The following TTC16 variants were observed in gnomAD, a reference collection of about 807,000 sequenced individuals.
TTC16 encodes tetratricopeptide repeat domain 16, also known as tetratricopeptide repeat protein 16.
A neutral mutation model predicts 80.4 loss-of-function variants in TTC16; 66 were observed. That is an observed-to-expected ratio of 0.82 (90% confidence interval 0.67 to 1.01). The LOEUF is 1.01. TTC16 is among the 50% of genes least tolerant of loss of function. The pLI, the probability that TTC16 is intolerant of heterozygous loss-of-function variation, is 0.00. For synonymous variants in TTC16, 438 were observed against 451.3 expected, an observed-to-expected ratio of 0.97 and a Z score of 0.37; for missense variants, 1,070 against 1,103.2, an observed-to-expected ratio of 0.97 and a Z score of 0.43.
intron 4 of TTC16, among the ~76,000 whole-genome samples, chr9:127,719,479 C>G (rs1823233932): frequency 6.6e-6 from 1 of 152,194 alleles, no homozygotes; most frequent in Non-Finnish European, 1.5e-5. Flanking sequence ...CTGCTGATCT[C>G]TTCTGCCATC....
chr9:127,730,760 G>A lies in TTC16; in HGVS notation c.1977G>A (p.Gly659=). The part of the protein sequence containing the change: ...SLLKTQSSDS[G]NNREALSHGP... ...TGAAGACGCAATCCTCGGACTCTGGGAACAACAGGGAGGCACTAAGCCATG... is the reference window on the plus strand; with the variant it reads ...TGAAGACGCAATCCTCGGACTCTGGAAACAACAGGGAGGCACTAAGCCATG... Residue 659 remains glycine, a synonymous_variant, in exon 14 of 14, where the codon GGG becomes GGA. Coordinates refer to ENST00000373289, the MANE Select transcript of TTC16 (RefSeq NM_144965.3). 6.2e-7 allele frequency: 1 copy of A among 1,613,716 alleles called. No homozygotes were observed. Among genetic ancestry groups the A allele is most frequent in the Non-Finnish European group, 8.5e-7 (1 of 1,180,036 alleles).
At chr9:127,716,484 G>A in intron 1 of TTC16, 2 of 544,042 alleles carry the variant, frequency 3.7e-6, no homozygotes, top group Non-Finnish European at 3.3e-6. Flanking sequence ...GGGACTGTAG[G>A]ACCCCCAAGG....
intron 13 of TTC16, chr9:127,730,277 G>A (rs938174663): frequency 1.5e-5 from 5 of 328,224 alleles, no homozygotes; most frequent in Non-Finnish European, 1.7e-5. Flanking sequence ...GGGTGTGGGT[G>A]CATTTAGCGC....
intron 10 of TTC16, 98 bp downstream of exon 10, chr9:127,726,502 A>G (rs1331283178): frequency 7.4e-7 from 1 of 1,347,820 alleles, no homozygotes; most frequent in African/African-American, 1.5e-5. Context: ...GATAACAATC[A>G]TAAGGCCAGG....
In TTC16 at chr9:127,716,875, G is replaced by C. The variant is rs761369792; in HGVS notation, c.50G>C (p.Arg17Pro). Residue 17 changes from arginine to proline, a missense_variant, in exon 2 of 14, where the codon CGG (arginine) becomes CCG (proline). Coordinates refer to ENST00000373289, the MANE Select transcript of TTC16 (RefSeq NM_144965.3). ...CTGAAGGTTGACCAGGGCCCCTCAC[G>C]GGACATCCCAAAGCCATGGGTGATT... is the stretch of plus-strand genomic sequence containing the variant. The part of the protein sequence containing the change: ...DALKVDQGPS[R>P]DIPKPWVIPA... 2 of 1,613,664 alleles carry C rather than the reference G, an allele frequency of 1.2e-6. No homozygotes were observed. Among genetic ancestry groups the C allele is most frequent in the South Asian group, 1.1e-5 (1 of 91,066 alleles).
Position 127,723,316 on chromosome 9 carries a change from C to T in TTC16, c.855C>T (p.Pro285=), listed in dbSNP as rs759264105. ...CCATCGAGAACAACCCTCTGGACCC[C>T]AGTCTCTTCCTCTTCCGGTACTGCA... ...NRAIENNPLD[P]SLFLFRGTMY... Residue 285 remains proline (P), a synonymous_variant, in exon 7 of 14, where the codon CCC becomes CCT. Transcript: ENST00000373289. 6.2e-6 allele frequency: 10 copies of T among 1,612,728 alleles called. No homozygotes were observed. The highest frequency in any genetic ancestry group is 8.5e-6 in the Non-Finnish European group (10 of 1,179,844).
intron 8 of TTC16, 134 bp from the exon 9 acceptor site, chr9:127,724,620 TAG>T (rs1843765420): frequency 2.3e-6 from 3 of 1,277,222 alleles, no homozygotes; most frequent in South Asian, 1.5e-5. Flanking sequence ...CCCAGAAAAC[TAG>T]AGAGGACGGA....
At position 127,722,287 on chromosome 9, in the gene TTC16, G is replaced by A. The variant is rs780011333; in HGVS notation, c.658-832G>A. 3.9e-5 allele frequency among the ~76,000 whole-genome samples: 6 copies of A among 152,134 alleles called. No homozygotes were observed. The highest frequency in any genetic ancestry group is 1.9e-4 in the East Asian group (1 of 5,190). On this transcript the variant is annotated intron_variant, in intron 6 of 13. Transcript: ENST00000373289. This position sits in a 1 kb window ranked among gnomAD's most constrained non-coding sequence, Gnocchi z 4.2. ...CGTTCACCTGCCAGCCAGTCACCCC[G>A]CAGGGAACAGGGTGTTGTTGAACTG...
At chr9:127,721,042 G>A (rs1721111897) in intron 6 of TTC16, among the ~76,000 whole-genome samples, 1 of 149,514 alleles carries the variant, frequency 6.7e-6, no homozygotes, top group Non-Finnish European at 1.5e-5. Context: ...CACACAACCT[G>A]GGCTGGGCAC....
Position 127,727,424 on chromosome 9 carries a change from G to A in TTC16, c.1723G>A (p.Ala575Thr), listed in dbSNP as rs1164599406. Residue 575 changes from alanine to threonine, a missense_variant, in exon 12 of 14, where the codon GCC becomes ACC. By Grantham distance (58) the Ala-to-Thr change is moderately conservative (BLOSUM62 0). Coordinates refer to ENST00000373289, the MANE Select transcript of TTC16 (RefSeq NM_144965.3). ...KPGSSEGEAE[A>T]PEEEEEKEKE... is the part of the protein sequence containing the mutation. ...GGGAAGCTCAGAGGGAGAGGCTGAG[G>A]CCCCTGAGGAGGAGGAAGAAAAGGA... 1 of 1,607,374 alleles carries A rather than the reference G, an allele frequency of 6.2e-7. No individual in the cohort carries two copies. Among genetic ancestry groups the A allele is most frequent in the South Asian group, 1.1e-5 (1 of 90,076 alleles).
At chr9:127,716,207 C>T in intron 1 of TTC16, 44 bp downstream of exon 1, 1 of 1,613,560 alleles carries the variant, frequency 6.2e-7, no homozygotes, top group Non-Finnish European at 8.5e-7. Context: ...GAGGGCCAGG[C>T]AGAGAGACCG....
intron 9 of TTC16, among the ~76,000 whole-genome samples, chr9:127,725,562 T>C (rs1588448234): frequency 1.0e-4 from 3 of 29,874 alleles, no homozygotes; most frequent in Admixed American, 4.4e-4. Context: ...AGACTCCGTC[T>C]CAAAAAAAAA....
chr9:127,723,749 A>G (rs1011928171), intron 7 of TTC16, among the ~76,000 whole-genome samples: 5 of 152,224 alleles, frequency 3.3e-5, no homozygotes, highest in African/African-American at 1.2e-4. Flanking sequence ...GGCTGGGTTC[A>G]GTATCCCACA....
intron 9 of TTC16, 150 bp from the exon 10 acceptor site, chr9:127,726,089 A>T: frequency 2.0e-6 from 1 of 495,502 alleles, no homozygotes; most frequent in Non-Finnish European, 3.4e-6. Flanking sequence ...TTCATCAGGG[A>T]CGTACCTGAT....
In TTC16 at chr9:127,724,112, C is replaced by A. The variant is rs375531705; in HGVS notation, c.873-8C>A. ...CCCTCCTGCCGTCTCCCACGCCCCC[C>A]CCGACAGGGGCACCATGTACCGACG... On this transcript the variant is annotated splice_region_variant and splice_polypyrimidine_tract_variant and intron_variant, in intron 7 of 13. Transcript: ENST00000373289. 160 of 1,599,520 alleles carry A rather than the reference C, an allele frequency of 1.0e-4. No homozygotes were observed. The African/African-American group carries it at 1.8e-3, about 18-fold the overall frequency.
chr9:127,724,453 G>A (rs745747207), intron 8 of TTC16, 89 bp downstream of exon 8: 1 of 1,516,778 alleles, frequency 6.6e-7, no homozygotes, highest in Non-Finnish European at 8.9e-7. Flanking sequence ...GGCCCCTGGG[G>A]GGAAGGAGGA....
At position 127,724,367 on chromosome 9, in the gene TTC16, G is replaced by T. The variant is rs752006778; in HGVS notation, c.1117+3G>T. The T allele has an allele frequency of 3.7e-6, 6 of 1,612,116 alleles. No individual in the cohort carries two copies. In the South Asian group the frequency reaches 4.4e-5, roughly 12 times the overall value. ...AGGACTCTACATCAACCGAGGCGGT[G>T]CGCAGCGACCAGGGCACTGGGGAGG... On this transcript the variant is annotated splice_donor_region_variant and intron_variant, in intron 8 of 13. Coordinates refer to ENST00000373289, the MANE Select transcript of TTC16 (RefSeq NM_144965.3).
intron 12 of TTC16, 200 bp downstream of exon 12, chr9:127,727,665 G>T: frequency 9.0e-7 from 1 of 1,116,232 alleles, no homozygotes; most frequent in Non-Finnish European, 1.2e-6. Context: ...CGGAGGGTGT[G>T]TGGGGATGTG....
Position 127,727,483 on chromosome 9 carries a change from C to T in TTC16, c.1764+18C>T. On this transcript the variant is annotated intron_variant, in intron 12 of 13. Transcript: ENST00000373289. ...AAAAAGAGGTAAGTGGAGTACAGGC[C>T]AGGGCTCGGAGCCCTTGGGGTCTGG... is the stretch of plus-strand genomic sequence containing the variant. 1.3e-6 allele frequency: 2 copies of T among 1,552,646 alleles called. No homozygotes were observed. The highest frequency in any genetic ancestry group is 4.8e-5 in the East Asian group (2 of 41,268).
Sources: allele counts gnomAD v4.1 joint callset (sites outside exome capture counted in the v4.1 genomes callset), GRCh38; gene constraint gnomAD v4.1.1; non-coding constraint Gnocchi (gnomAD v3.1); transcripts MANE v1.5; gene names NCBI Gene and HGNC (gene_info 2026-07-23, HGNC 2026-07-21).